Variants in DCAF16 observed in about 807,000 individuals in gnomAD.
The protein encoded by DCAF16 is DDB1 and CUL4 associated factor 16, also known as DDB1- and CUL4-associated factor 16.
DCAF16 carries 10 observed loss-of-function variants against 17.3 expected under a neutral mutation model. The observed-to-expected ratio is 0.58, with a 90% CI of 0.36 to 0.98. The LOEUF is 0.98. Ranked by LOEUF, DCAF16 falls within the 50% of genes least tolerant of loss-of-function variation. The pLI is 0.01. For synonymous variants in DCAF16, 111 were observed against 92.8 expected (o/e 1.20, Z -1.12); for missense variants, 249 against 247.6 (o/e 1.01, Z -0.04).
chr4:17,805,191 CAG>C lies in DCAF16; in HGVS notation c.-717_-716del, dbSNP rs1720212234. On this transcript the variant is annotated 5_prime_UTR_variant, in exon 2 of 3. Coordinates refer to ENST00000382247, the MANE Select transcript of DCAF16 (RefSeq NM_017741.4). Reference sequence around the variant, plus strand: ...GATGTTAGGACTCTTGCTGGGACCTCAGAAGTTGTGATCCTATCACCAATTCT... The same window carrying C: ...GATGTTAGGACTCTTGCTGGGACCTCAAGTTGTGATCCTATCACCAATTCT... 2 of 150,310 alleles carry C rather than the reference CAG, an allele frequency of 1.3e-5. No homozygotes were observed. Among genetic ancestry groups the C allele is most frequent in the African/African-American group, 4.9e-5 (2 of 40,656 alleles). The allele number at this position is 150,310 out of a possible 1,614,324, so 9.3% of individuals were successfully genotyped here.
chr4:17,797,566 A>G (rs1719486005), downstream of DCAF16, among the ~76,000 whole-genome samples: 1 of 152,218 alleles, frequency 6.6e-6, no homozygotes, highest in African/African-American at 2.4e-5. Context: ...CAGTAAGTCT[A>G]CATGGAATGC....
At chr4:17,793,839 T>C in the DCAF16 span, among the ~76,000 whole-genome samples, 1 of 152,176 alleles carries the variant, frequency 6.6e-6, no homozygotes. Context: ...TTACTGTATA[T>C]TTGTGATTTC....
Position 17,805,217 on chromosome 4 carries a change from C to A in DCAF16, c.-741G>T, listed in dbSNP as rs1024976656. 1.3e-5 allele frequency: 2 copies of A among 150,050 alleles called. No homozygotes were observed. Among genetic ancestry groups the A allele is most frequent in the Non-Finnish European group, 2.9e-5 (2 of 67,842 alleles). The allele number at this position is 150,050 out of a possible 1,614,324, so 9.3% of individuals were successfully genotyped here. A position where few individuals can be genotyped will look rare whatever the true frequency, so the allele number is the denominator to read the frequency against. On this transcript the variant is annotated 5_prime_UTR_variant, in exon 2 of 3. Transcript: ENST00000382247. ...AGAAGTTGTGATCCTATCACCAATT[C>A]TATATAAGCTGTTCCACAAAAAAGA...
At chr4:17,797,580 G>A (rs1169052252), downstream of DCAF16, among the ~76,000 whole-genome samples, 3 of 152,200 alleles carry the variant, frequency 2.0e-5, no homozygotes, top group Non-Finnish European at 4.4e-5. Flanking sequence ...GGAATGCATT[G>A]TCTGTGGCCA....
chr4:17,793,607 T>G, the DCAF16 span, among the ~76,000 whole-genome samples: 1 of 152,110 alleles, frequency 6.6e-6, no homozygotes, highest in Non-Finnish European at 1.5e-5. Flanking sequence ...TAAAACAATA[T>G]ATACTGTATG....
the DCAF16 span, among the ~76,000 whole-genome samples, chr4:17,793,604 A>G: frequency 4.3e-4 from 65 of 152,232 alleles, no homozygotes; most frequent in Non-Finnish European, 7.5e-4. Flanking sequence ...GCATAAAACA[A>G]TATATACTGT....
rs574050063 is a variant in DCAF16 at position 17,801,290 on chromosome 4, G to C, written c.*2201C>G. 1 of 151,956 alleles carries C rather than the reference G, an allele frequency of 6.6e-6. No homozygotes were observed. Among genetic ancestry groups the C allele is most frequent in the African/African-American group, 2.4e-5 (1 of 41,334 alleles). 9.4% of individuals were successfully genotyped at this position (151,956 alleles called of 1,614,324 possible). On this transcript the variant is annotated 3_prime_UTR_variant, in exon 3 of 3. Transcript: ENST00000382247. ...ATTACAGGCACATGCCACCACGCCC[G>C]GCTAATTTTTATATTTTTAGTAGAG...
Position 17,802,598 on chromosome 4 carries a change from C to A in DCAF16, c.*893G>T, listed in dbSNP as rs1262938576. ...GCTGGGAAAGAAATTCATATCCCTGCCATTTTCCTTTGTGTAGTTACCCAG... is the reference window on the plus strand; with the variant it reads ...GCTGGGAAAGAAATTCATATCCCTGACATTTTCCTTTGTGTAGTTACCCAG... On this transcript the variant is annotated 3_prime_UTR_variant, in exon 3 of 3. Transcript: ENST00000382247. The A allele has an allele frequency of 6.6e-6, 1 of 150,524 alleles. No individual in the cohort carries two copies. Among genetic ancestry groups the A allele is most frequent in the Non-Finnish European group, 1.5e-5 (1 of 67,862 alleles). 9.3% of individuals were successfully genotyped at this position (150,524 alleles called of 1,614,324 possible).
At chr4:17,793,671 GA>G in the DCAF16 span, among the ~76,000 whole-genome samples, 1 of 152,244 alleles carries the variant, frequency 6.6e-6, no homozygotes, top group East Asian at 1.9e-4. Context: ...CTTTAGAAAA[GA>G]AGAGTTATTT....
In DCAF16 at chr4:17,803,857, T is replaced by C. The variant is rs34838058; in HGVS notation, c.285A>G (p.Leu95=). 1.2e-3 allele frequency: 1,983 copies of C among 1,614,194 alleles called. 29 individuals carry two copies. The African/African-American group carries it at 0.024, about 20-fold the overall frequency. ...TPVHILREIG[L]RLSHCSHCVP... is the part of the protein sequence containing the mutation. ...CACAATGGGAACAATGGGAGAGTCT[T>C]AGACCTATCTCTCGAAGTATATGGA... Residue 95 remains leucine, a synonymous_variant, in exon 3 of 3, where the codon CTA becomes CTG. Transcript: ENST00000382247.
chr4:17,803,780 A>T lies in DCAF16; in HGVS notation c.362T>A (p.Val121Asp), dbSNP rs757824474. Reference sequence around the variant, plus strand: ...TGTAAGAGGCTTTTGAAAAGGTGGGACTCCACAAGAGGCCAGAGGGGGCCA... The same window carrying T: ...TGTAAGAGGCTTTTGAAAAGGTGGGTCTCCACAAGAGGCCAGAGGGGGCCA... ...PEWPPLASCG[V>D]PPFQKPLTSP... Residue 121 changes from valine (V) to aspartate (D), a missense_variant, in exon 3 of 3, where the codon GTC becomes GAC. Physicochemically the swap from Val to Asp is radical, Grantham distance 152. Transcript: ENST00000382247. 3 of 1,613,762 alleles carry T rather than the reference A, an allele frequency of 1.9e-6. No homozygotes were observed. The East Asian group carries it at 6.7e-5, about 36-fold the overall frequency.
chr4:17,802,632 A>C lies in DCAF16; in HGVS notation c.*859T>G, dbSNP rs1230972418. On this transcript the variant is annotated 3_prime_UTR_variant, in exon 3 of 3. Coordinates refer to ENST00000382247, the MANE Select transcript of DCAF16 (RefSeq NM_017741.4). ...TTTGTGTAGTTACCCAGTTTAATTC[A>C]ACTACCTCAAAAAAAAAAAAAAAGA... The C allele has an allele frequency of 6.7e-6, 1 of 148,214 alleles. No homozygotes were observed. Among genetic ancestry groups the C allele is most frequent in the East Asian group, 2.0e-4 (1 of 4,988 alleles). The allele number at this position is 148,214 out of a possible 1,614,324, so 9.2% of individuals were successfully genotyped here.
rs1052489695 is a variant in DCAF16 at position 17,801,879 on chromosome 4, G to C, written c.*1612C>G. 1.3e-5 allele frequency: 2 copies of C among 152,124 alleles called. No individual in the cohort carries two copies. The highest frequency in any genetic ancestry group is 6.6e-5 in the Admixed American group (1 of 15,266). 9.4% of individuals were successfully genotyped at this position (152,124 alleles called of 1,614,324 possible). On this transcript the variant is annotated 3_prime_UTR_variant, in exon 3 of 3. Coordinates refer to ENST00000382247, the MANE Select transcript of DCAF16 (RefSeq NM_017741.4). ...AGCACTTTGGGAGGCCGAGGCAGGT[G>C]GATCACGAGGTCAGGAGATCAAGAC...
intron 1 of DCAF16, among the ~76,000 whole-genome samples, chr4:17,805,698 A>C (rs1312718094): frequency 6.6e-6 from 1 of 152,272 alleles, no homozygotes. Flanking sequence ...ACAGTGGCTC[A>C]TGCTTGTAAT....
rs1199844608 is a variant in DCAF16 at position 17,802,721 on chromosome 4, A to C, written c.*770T>G. ...ACATCTATATAAAAGCTGGGAAAGA[A>C]ATTCATAGCCCTGCCATTTTCCTTT... is the stretch of plus-strand genomic sequence containing the variant. On this transcript the variant is annotated 3_prime_UTR_variant, in exon 3 of 3. Coordinates refer to ENST00000382247, the MANE Select transcript of DCAF16 (RefSeq NM_017741.4). 3 of 152,126 alleles carry C rather than the reference A, an allele frequency of 2.0e-5. No individual in the cohort carries two copies. The highest frequency in any genetic ancestry group is 7.2e-5 in the African/African-American group (3 of 41,432). 9.4% of individuals were successfully genotyped at this position (152,126 alleles called of 1,614,324 possible). A position where few individuals can be genotyped will look rare whatever the true frequency, so the allele number is the denominator to read the frequency against.
At position 17,802,749 on chromosome 4, in the gene DCAF16, GTAGT is replaced by G. The variant is rs1335907977; in HGVS notation, c.*738_*741del. On this transcript the variant is annotated 3_prime_UTR_variant, in exon 3 of 3. Transcript: ENST00000382247. ...TCATAGCCCTGCCATTTTCCTTTGT[GTAGT>G]TACTCAATTTAATTCAACTACTTCC... 1 of 152,090 alleles carries G rather than the reference GTAGT, an allele frequency of 6.6e-6. No homozygotes were observed. The highest frequency in any genetic ancestry group is 2.4e-5 in the African/African-American group (1 of 41,426). The allele number at this position is 152,090 out of a possible 1,614,324, so 9.4% of individuals were successfully genotyped here.
chr4:17,803,781 C>A lies in DCAF16; in HGVS notation c.361G>T (p.Val121Phe). Residue 121 changes from valine (V) to phenylalanine (F), a missense_variant, in exon 3 of 3, where the codon GTC (valine) becomes TTC (phenylalanine). Transcript: ENST00000382247. The part of the protein sequence containing the change: ...PEWPPLASCG[V>F]PPFQKPLTSP... Reference sequence around the variant, plus strand: ...GTAAGAGGCTTTTGAAAAGGTGGGACTCCACAAGAGGCCAGAGGGGGCCAT... The same window carrying A: ...GTAAGAGGCTTTTGAAAAGGTGGGAATCCACAAGAGGCCAGAGGGGGCCAT... 6.2e-7 allele frequency: 1 copy of A among 1,614,134 alleles called. No individual in the cohort carries two copies. The highest frequency in any genetic ancestry group is 8.5e-7 in the Non-Finnish European group (1 of 1,180,036).
chr4:17,794,521 G>A, the DCAF16 span, among the ~76,000 whole-genome samples: 1 of 152,136 alleles, frequency 6.6e-6, no homozygotes, highest in East Asian at 1.9e-4. Flanking sequence ...TGATTCTACA[G>A]AGGCTAAAAT....
chr4:17,799,321 GTTTA>G (rs1324644421), downstream of DCAF16, among the ~76,000 whole-genome samples: 2 of 152,070 alleles, frequency 1.3e-5, no homozygotes, highest in African/African-American at 4.8e-5. Flanking sequence ...TAGGGTTTAG[GTTTA>G]TTTAATATGA....
Sources: gnomAD v4.1 joint callset for allele counts (sites outside exome capture counted in the v4.1 genomes callset) on GRCh38, gnomAD v4.1.1 for gene constraint, MANE v1.5 for transcripts, NCBI Gene and HGNC (gene_info 2026-07-23, HGNC 2026-07-21) for gene names.